Variants in COL5A1 observed in about 807,000 individuals in gnomAD.
COL5A1 encodes the protein collagen alpha-1(V) chain.
A neutral mutation model predicts 263.7 loss-of-function variants in COL5A1; 16 were observed. The ratio of observed to expected loss-of-function variants is 0.06; its 90% confidence interval spans 0.04 to 0.09. The LOEUF (loss-of-function observed/expected upper bound fraction) is 0.09. Ranked by LOEUF, COL5A1 falls within the 10% of genes least tolerant of loss-of-function variation. The probability of loss-of-function intolerance (pLI) is 1.00; values close to 1 mark genes in which losing one functional copy is unlikely to be tolerated. For missense variants in COL5A1, 2,036 were observed against 2,540.5 expected (o/e 0.80, Z 4.27); for synonymous variants, 1,012 against 1,004.5 (o/e 1.01, Z -0.14).
At chr9:134,756,441 T>G (rs908311743) in intron 16 of COL5A1, among the ~76,000 whole-genome samples, 1 of 152,190 alleles carries the variant, frequency 6.6e-6, no homozygotes, top group Non-Finnish European at 1.5e-5. Flanking sequence ...CTGACGCAGC[T>G]CCTCCAGCCG....
rs11103502 is a variant in COL5A1, at chr9:134,754,371, G to A, written c.1827+45G>A. 0.18 allele frequency: 288,646 copies of A among 1,609,864 alleles called. 27,540 individuals carry two copies. The highest frequency in any genetic ancestry group is 0.35 in the East Asian group (15,841 of 44,800). ...GTGGTTTAGTGACAGCAGCTTGGGCGCTGGAGGAGCCCAAATCTGGGGTGC... is the reference window on the plus strand; with the variant it reads ...GTGGTTTAGTGACAGCAGCTTGGGCACTGGAGGAGCCCAAATCTGGGGTGC... On this transcript the variant is annotated intron_variant, in intron 16 of 65. Transcript: ENST00000371817. This position sits in a 1 kb window ranked among gnomAD's most constrained non-coding sequence, Gnocchi z 4.3.
intron 4 of COL5A1, among the ~76,000 whole-genome samples, chr9:134,709,719 C>T (rs557034037): frequency 5.9e-5 from 9 of 152,354 alleles, no homozygotes; most frequent in African/African-American, 1.9e-4. Context: ...GCCACAGACC[C>T]ATCTCCCAGC....
chr9:134,729,232 C>T (rs754734954), intron 6 of COL5A1, among the ~76,000 whole-genome samples: 6 of 152,162 alleles, frequency 3.9e-5, no homozygotes, highest in East Asian at 1.9e-4. Flanking sequence ...GGGTCCTCCC[C>T]GCTCTGGGCT....
At chr9:134,736,037 G>A (rs1034606057) in intron 9 of COL5A1, among the ~76,000 whole-genome samples, 5 of 151,664 alleles carry the variant, frequency 3.3e-5, no homozygotes, top group African/African-American at 1.2e-4. Context: ...CTGGCACCTA[G>A]CACCTCTGGT....
At chr9:134,792,272 A>G (rs1837716824) in intron 32 of COL5A1, among the ~76,000 whole-genome samples, 1 of 152,194 alleles carries the variant, frequency 6.6e-6, no homozygotes, top group South Asian at 2.1e-4. Context: ...ATTGTTTGAA[A>G]CAGCTCTGGT....
At chr9:134,768,532 C>T in intron 25 of COL5A1, 69 bp downstream of exon 25, 1 of 1,470,890 alleles carries the variant, frequency 6.8e-7, no homozygotes. Flanking sequence ...GGGCTGCAGG[C>T]CCAGGCTCTT....
chr9:134,828,060 G>A (rs1295613139), intron 63 of COL5A1, among the ~76,000 whole-genome samples: 2 of 152,192 alleles, frequency 1.3e-5, no homozygotes, highest in Non-Finnish European at 2.9e-5. Context: ...GGCGCACAAC[G>A]TGAGCCCCAG....
chr9:134,720,438 A>C (rs12004951), intron 4 of COL5A1, among the ~76,000 whole-genome samples: 58,154 of 152,148 alleles, frequency 0.38, 13,891 homozygotes, highest in African/African-American at 0.67. Flanking sequence ...GCTTGGTTTC[A>C]TATCACAGGA....
chr9:134,727,241 T>C (rs1166940330), intron 4 of COL5A1, 25 bp from the exon 5 acceptor site: 5 of 1,612,660 alleles, frequency 3.1e-6, no homozygotes, highest in Non-Finnish European at 4.2e-6. Context: ...GAGCTGCTTT[T>C]TCATGAGCGT....
At chr9:134,663,698 C>T (rs1053918045) in intron 1 of COL5A1, among the ~76,000 whole-genome samples, 2 of 152,180 alleles carry the variant, frequency 1.3e-5, no homozygotes, top group Non-Finnish European at 2.9e-5. Context: ...GTTGTGGTGG[C>T]GGATGGGGAA....
chr9:134,715,932 G>C (rs1284584589), intron 4 of COL5A1, among the ~76,000 whole-genome samples: 1 of 152,114 alleles, frequency 6.6e-6, no homozygotes, highest in Non-Finnish European at 1.5e-5. Context: ...GATGATAGTG[G>C]TGGTGGTGAT....
intron 65 of COL5A1, among the ~76,000 whole-genome samples, chr9:134,838,225 C>T (rs1374648908): frequency 6.6e-6 from 1 of 152,224 alleles, no homozygotes; most frequent in African/African-American, 2.4e-5. Flanking sequence ...TCTCGGCCTC[C>T]ACCCACTAGA....
intron 51 of COL5A1, 145 bp from the exon 52 acceptor site, chr9:134,815,790 C>A (rs1033615963): frequency 8.0e-7 from 1 of 1,255,046 alleles, no homozygotes. Flanking sequence ...AGCAAGAAAA[C>A]GCCTTTGACC....
chr9:134,779,508 C>A (rs1837177244), intron 27 of COL5A1, among the ~76,000 whole-genome samples: 1 of 152,198 alleles, frequency 6.6e-6, no homozygotes, highest in Non-Finnish European at 1.5e-5. Flanking sequence ...AAATACATGG[C>A]ACTGGGCTTC....
chr9:134,828,115 C>T (rs1189801944), intron 63 of COL5A1, among the ~76,000 whole-genome samples: 1 of 152,218 alleles, frequency 6.6e-6, no homozygotes, highest in African/African-American at 2.4e-5. Context: ...CCCTTCCACT[C>T]CACGCCTGCA....
At chr9:134,833,979 G>C (rs1349602639) in intron 64 of COL5A1, among the ~76,000 whole-genome samples, 1 of 152,212 alleles carries the variant, frequency 6.6e-6, no homozygotes, top group Admixed American at 6.5e-5. Context: ...AGGAGCAGTG[G>C]TCTAGGCTGT....
chr9:134,670,442 C>A (rs1832505296), intron 1 of COL5A1, among the ~76,000 whole-genome samples: 1 of 152,212 alleles, frequency 6.6e-6, no homozygotes, highest in African/African-American at 2.4e-5. Context: ...GACCCCATGT[C>A]CGAGAACTGG....
rs1217313011 is a variant in COL5A1, at chr9:134,727,520, G to C, written c.786+123G>C. On this transcript the variant is annotated intron_variant, in intron 5 of 65. Transcript: ENST00000371817. Reference sequence around the variant, plus strand: ...AATCCACTGGGTGAGAATTTGGAGGGACCTAGGAGGTAAACATTGGGATAT... The same window carrying C: ...AATCCACTGGGTGAGAATTTGGAGGCACCTAGGAGGTAAACATTGGGATAT... The C allele has an allele frequency of 3.7e-6, 4 of 1,068,890 alleles. No individual in the cohort carries two copies. In the East Asian group the frequency reaches 1.0e-4, roughly 27 times the overall value. 66.2% of individuals were successfully genotyped at this position (1,068,890 alleles called of 1,614,324 possible). A position where few individuals can be genotyped will look rare whatever the true frequency, so the allele number is the denominator to read the frequency against.
At chr9:134,762,102 G>A (rs1836470434) in intron 19 of COL5A1, 124 bp downstream of exon 19, 1 of 953,904 alleles carries the variant, frequency 1.0e-6, no homozygotes, top group Non-Finnish European at 1.7e-6. Context: ...GGGCCAGCTG[G>A]GAGAAGGCAG....
Sources: allele counts gnomAD v4.1 joint callset (sites outside exome capture counted in the v4.1 genomes callset), GRCh38; gene constraint gnomAD v4.1.1; non-coding constraint Gnocchi (gnomAD v3.1); transcripts MANE v1.5; gene names NCBI Gene and HGNC (gene_info 2026-07-23, HGNC 2026-07-21).